Variants in GRM8 observed in about 807,000 individuals in gnomAD.
The protein encoded by GRM8 is glutamate metabotropic receptor 8, also known as metabotropic glutamate receptor 8.
Under a neutral mutation model 87.2 loss-of-function variants are expected in GRM8, and 47 were observed. The observed-to-expected ratio is 0.54, with a 90% CI of 0.43 to 0.69. The LOEUF (loss-of-function observed/expected upper bound fraction) is 0.69, where lower values mean the gene tolerates loss of function less well. Among genes scored for constraint, GRM8 ranks in the 30% least tolerant of loss-of-function variants. The pLI is 0.00. For missense variants in GRM8, 1,019 were observed against 1,139.2 expected (o/e 0.89, Z 1.52); for synonymous variants, 396 against 404.5 (o/e 0.98, Z 0.25).
intron 9 of GRM8, among the ~76,000 whole-genome samples, chr7:126,473,610 A>G (rs568207414): frequency 6.6e-6 from 1 of 152,166 alleles, no homozygotes; most frequent in Non-Finnish European, 1.5e-5. Flanking sequence ...ACATTAGTGG[A>G]CTGTTGGGAA....
rs186913121 is a variant in GRM8 at position 126,550,135 on chromosome 7, C to T, written c.1495-16248G>A. On this transcript the variant is annotated intron_variant, in intron 8 of 10. Transcript: ENST00000339582. Reference sequence around the variant, plus strand: ...TTTTTTGTTTTTTTGTTTTTTTTTCCGAGACGGTCTCCCTCTGTCCCCAGG... The same window carrying T: ...TTTTTTGTTTTTTTGTTTTTTTTTCTGAGACGGTCTCCCTCTGTCCCCAGG... 1.7e-4 allele frequency among the ~76,000 whole-genome samples: 25 copies of T among 150,520 alleles called. No homozygotes were observed. In the East Asian group the frequency reaches 4.5e-3, roughly 27 times the overall value.
intron 2 of GRM8, among the ~76,000 whole-genome samples, chr7:127,214,762 A>G (rs937528795): frequency 6.6e-6 from 1 of 152,200 alleles, no homozygotes; most frequent in African/African-American, 2.4e-5. Flanking sequence ...ACAATTCGAG[A>G]TGAGATTTGG....
chr7:126,557,151 G>A (rs1363223045), intron 8 of GRM8, among the ~76,000 whole-genome samples: 1 of 152,180 alleles, frequency 6.6e-6, no homozygotes, highest in Admixed American at 6.5e-5. Context: ...ACAGACACTG[G>A]CAAGTGCAGA....
intron 2 of GRM8, among the ~76,000 whole-genome samples, chr7:127,211,612 T>C (rs1392873505): frequency 1.3e-5 from 2 of 152,234 alleles, no homozygotes; most frequent in African/African-American, 2.4e-5. Flanking sequence ...AGGGTGATGT[T>C]ATTAAGAGGT....
chr7:126,563,071 C>T lies in GRM8; in HGVS notation c.1495-29184G>A, dbSNP rs1170137326. Among the ~76,000 whole-genome samples the T allele has an allele frequency of 2.6e-5, 4 of 152,258 alleles. No individual in the cohort carries two copies. The East Asian group carries it at 5.8e-4, about 22-fold the overall frequency. ...GATATGATGTTTGAAAGCTTAGAAG[C>T]CTGTTATAATGAACGTAGTAATCGC... is the stretch of plus-strand genomic sequence containing the variant. On this transcript the variant is annotated intron_variant, in intron 8 of 10. Transcript: ENST00000339582.
chr7:126,970,889 G>T (rs888922602), intron 3 of GRM8, among the ~76,000 whole-genome samples: 1 of 151,988 alleles, frequency 6.6e-6, no homozygotes, highest in African/African-American at 2.4e-5. Flanking sequence ...GGCATAGGGA[G>T]GTCCAAAGAG....
chr7:126,723,569 G>A (rs1812663035), intron 7 of GRM8, among the ~76,000 whole-genome samples: 2 of 149,550 alleles, frequency 1.3e-5, no homozygotes, highest in East Asian at 3.9e-4. Flanking sequence ...AAAAAAAAAA[G>A]TTTCACTTTA....
chr7:126,473,188 G>A (rs1021882413), intron 9 of GRM8, among the ~76,000 whole-genome samples: 1 of 152,138 alleles, frequency 6.6e-6, no homozygotes. Flanking sequence ...CCTAGAGCTT[G>A]CACCTTGTAT....
chr7:127,018,451 A>G (rs1815918076), intron 3 of GRM8, among the ~76,000 whole-genome samples: 1 of 144,700 alleles, frequency 6.9e-6, no homozygotes, highest in Non-Finnish European at 1.5e-5. Context: ...TCCTCCATTT[A>G]CCATCCTAGT....
At chr7:126,480,923 G>T (rs954335088) in intron 9 of GRM8, among the ~76,000 whole-genome samples, 1 of 151,866 alleles carries the variant, frequency 6.6e-6, no homozygotes, top group Non-Finnish European at 1.5e-5. Context: ...GGTTGTAGCC[G>T]GGAAAATACA....
At chr7:127,188,263 A>G (rs909513160) in intron 2 of GRM8, among the ~76,000 whole-genome samples, 1 of 152,242 alleles carries the variant, frequency 6.6e-6, no homozygotes, top group Non-Finnish European at 1.5e-5. Context: ...TATAACTAGT[A>G]AGTGACTGAG....
At chr7:127,018,957 T>C (rs1466247148) in intron 3 of GRM8, among the ~76,000 whole-genome samples, 1 of 152,026 alleles carries the variant, frequency 6.6e-6, no homozygotes, top group Non-Finnish European at 1.5e-5. Flanking sequence ...GACTCCTATA[T>C]GGTTAAGTCA....
chr7:126,560,139 GA>G (rs1793556794), intron 8 of GRM8, among the ~76,000 whole-genome samples: 1 of 152,160 alleles, frequency 6.6e-6, no homozygotes, highest in African/African-American at 2.4e-5. Context: ...TTCTATTTCA[GA>G]TGACAGAATA....
intron 7 of GRM8, among the ~76,000 whole-genome samples, chr7:126,664,843 G>A (rs1049097390): frequency 1.3e-5 from 2 of 152,096 alleles, no homozygotes; most frequent in East Asian, 1.9e-4. Context: ...CAGAATGGGA[G>A]AAAATATTTG....
At chr7:126,963,296 A>G (rs963356191) in intron 3 of GRM8, among the ~76,000 whole-genome samples, 25 of 152,192 alleles carry the variant, frequency 1.6e-4, no homozygotes, top group Non-Finnish European at 4.4e-5. Context: ...TGTTTCCATA[A>G]TGAACATTAT....
rs544134023 is a variant in GRM8, at chr7:126,621,501, C to T, written c.1358-12003G>A. On this transcript the variant is annotated intron_variant, in intron 7 of 10. Transcript: ENST00000339582. ...TGGCTCCATCTCGGCTCACTGCAAC[C>T]TCCGCCTCCCAGGTTCAAGTGATTC... 2.6e-5 allele frequency among the ~76,000 whole-genome samples: 4 copies of T among 152,218 alleles called. No individual in the cohort carries two copies. In the South Asian group the frequency reaches 8.3e-4, roughly 32 times the overall value.
chr7:127,194,786 T>A (rs1795198200), intron 2 of GRM8, among the ~76,000 whole-genome samples: 2 of 152,060 alleles, frequency 1.3e-5, no homozygotes, highest in African/African-American at 4.8e-5. Flanking sequence ...TACTCCTTAG[T>A]CACACTTACA....
At chr7:127,167,074 A>G (rs965374494) in intron 2 of GRM8, among the ~76,000 whole-genome samples, 17 of 152,184 alleles carry the variant, frequency 1.1e-4, no homozygotes, top group African/African-American at 4.1e-4. Flanking sequence ...AAATCTGGGC[A>G]TAGAAGGTTT....
intron 6 of GRM8, among the ~76,000 whole-genome samples, chr7:126,773,805 G>C (rs914155771): frequency 2.0e-5 from 3 of 151,976 alleles, no homozygotes; most frequent in African/African-American, 7.2e-5. Flanking sequence ...AGACCAGCCT[G>C]GGCAGCAGAG....
Sources: allele counts gnomAD v4.1 joint callset (sites outside exome capture counted in the v4.1 genomes callset), GRCh38; gene constraint gnomAD v4.1.1; transcripts MANE v1.5; gene names NCBI Gene and HGNC (gene_info 2026-07-23, HGNC 2026-07-21).